AKAP13: variants seen among roughly 807,000 people sequenced by gnomAD.
The protein encoded by AKAP13 is A-kinase anchor protein 13.
A neutral mutation model predicts 264.5 loss-of-function variants in AKAP13; 80 were observed. That is an observed-to-expected ratio of 0.30 (90% CI 0.25 to 0.36). AKAP13 has a LOEUF of 0.36. AKAP13 is among the 10% of genes least tolerant of loss of function. The probability of loss-of-function intolerance (pLI) is 1.00; values close to 1 mark genes in which losing one functional copy is unlikely to be tolerated. For synonymous variants in AKAP13, 1,380 were observed against 1,250.2 expected, an observed-to-expected ratio of 1.10 and a Z score of -2.19; for missense variants, 3,712 against 3,435.2, an observed-to-expected ratio of 1.08 and a Z score of -2.01.
At chr15:85,481,928 GTTTC>G (rs2075365072) in intron 1 of AKAP13, among the ~76,000 whole-genome samples, 1 of 152,172 alleles carries the variant, frequency 6.6e-6, no homozygotes, top group Non-Finnish European at 1.5e-5. Context: ...GGCATGATGT[GTTTC>G]TTTAATTTTC....
intron 1 of AKAP13, among the ~76,000 whole-genome samples, chr15:85,388,859 C>T (rs1315945516): frequency 2.0e-5 from 3 of 152,126 alleles, no homozygotes; most frequent in African/African-American, 7.2e-5. Flanking sequence ...TGTCAGATGT[C>T]TCCTTGGGGG....
intron 4 of AKAP13, among the ~76,000 whole-genome samples, chr15:85,542,588 T>C (rs552630559): frequency 6.6e-6 from 1 of 152,168 alleles, no homozygotes; most frequent in Non-Finnish European, 1.5e-5. Context: ...AAGAAAGAGA[T>C]GATAGCTAAG....
At chr15:85,565,374 C>G (rs2078570107) in intron 5 of AKAP13, among the ~76,000 whole-genome samples, 2 of 152,140 alleles carry the variant, frequency 1.3e-5, no homozygotes, top group South Asian at 4.1e-4. Context: ...GCTATGGTGC[C>G]TCTTAATTCA....
chr15:85,555,035 C>G (rs1183294270), intron 5 of AKAP13, among the ~76,000 whole-genome samples: 2 of 151,702 alleles, frequency 1.3e-5, no homozygotes, highest in South Asian at 2.1e-4. Flanking sequence ...TCCCTCCCCC[C>G]CAAAAAAAGG....
chr15:85,730,826 A>G lies in AKAP13; in HGVS notation c.7282+119A>G, dbSNP rs548204256. On this transcript the variant is annotated intron_variant, in intron 30 of 36. Transcript: ENST00000394518. Reference sequence around the variant, plus strand: ...GCACAAATGCAGAAAATTACCCAAAACAAATATTTCACTATAGTAAATTAT... The same window carrying G: ...GCACAAATGCAGAAAATTACCCAAAGCAAATATTTCACTATAGTAAATTAT... The G allele has an allele frequency of 6.8e-6, 6 of 876,302 alleles. No individual in the cohort carries two copies. The South Asian group carries it at 9.3e-5, about 14-fold the overall frequency. 54.3% of individuals were successfully genotyped at this position (876,302 alleles called of 1,614,324 possible). A position where few individuals can be genotyped will look rare whatever the true frequency, so the allele number is the denominator to read the frequency against.
At position 85,579,529 on chromosome 15, in the gene AKAP13, G is replaced by A. The variant is rs111631396; in HGVS notation, c.1461G>A (p.Met487Ile). ...CAGGGGAAATGGAACATGGGCTCAT[G>A]AACCCAGATGCCACTGTTTGGAAGA... ...DTAGEMEHGL[M>I]NPDATVWKNV... The change falls in exon 7 of 37, where the codon ATG (methionine) becomes ATA (isoleucine). Residue 487 changes from methionine (M) to isoleucine (I), a missense_variant. Physicochemically the swap from Met to Ile is conservative, Grantham distance 10. Coordinates refer to ENST00000394518, the MANE Select transcript of AKAP13 (RefSeq NM_007200.5). The A allele has an allele frequency of 2.7e-4, 429 of 1,614,172 alleles. 1 individual carries two copies. In the African/African-American group the frequency reaches 4.2e-3, roughly 16 times the overall value.
intron 12 of AKAP13, among the ~76,000 whole-genome samples, chr15:85,660,235 C>G (rs551791336): frequency 1.3e-4 from 19 of 151,772 alleles, no homozygotes; most frequent in African/African-American, 4.4e-4. Flanking sequence ...CACCTGTAAT[C>G]CCAGCTACTC....
At chr15:85,496,875 G>C (rs2075885814) in intron 2 of AKAP13, among the ~76,000 whole-genome samples, 1 of 152,210 alleles carries the variant, frequency 6.6e-6, no homozygotes, top group African/African-American at 2.4e-5. Context: ...TCTAGCTTTT[G>C]ATGGTTTTAC....
At chr15:85,451,997 G>C (rs1020873644) in intron 1 of AKAP13, among the ~76,000 whole-genome samples, 17 of 151,964 alleles carry the variant, frequency 1.1e-4, no homozygotes, top group African/African-American at 4.1e-4. Flanking sequence ...GCCTTTGAGG[G>C]ATGCCAGTGA....
At chr15:85,565,796 C>G (rs1401121771) in intron 5 of AKAP13, among the ~76,000 whole-genome samples, 1 of 152,198 alleles carries the variant, frequency 6.6e-6, no homozygotes, top group African/African-American at 2.4e-5. Flanking sequence ...TTCCTTCCCT[C>G]TACTGGTCCT....
At chr15:85,536,892 G>C (rs1300543677) in intron 4 of AKAP13, 1 of 152,164 alleles carries the variant, frequency 6.6e-6, no homozygotes, top group Admixed American at 6.5e-5. Flanking sequence ...TGTCTTGTTC[G>C]TGGTGGTGGC....
intron 2 of AKAP13, among the ~76,000 whole-genome samples, chr15:85,519,849 T>G (rs1354787791): frequency 6.6e-6 from 1 of 152,078 alleles, no homozygotes. Flanking sequence ...GTTATGCTGC[T>G]GGGCTTAGTA....
chr15:85,523,025 G>C (rs1000967925), intron 3 of AKAP13, among the ~76,000 whole-genome samples: 1 of 150,892 alleles, frequency 6.6e-6, no homozygotes, highest in Non-Finnish European at 1.5e-5. Flanking sequence ...CATCACAGCA[G>C]AGGTAACAGA....
intron 6 of AKAP13, among the ~76,000 whole-genome samples, chr15:85,576,500 C>T (rs552828253): frequency 3.3e-5 from 5 of 152,246 alleles, no homozygotes; most frequent in Non-Finnish European, 4.4e-5. Context: ...ATAACATAAA[C>T]GTCATATGTG....
chr15:85,640,608 A>G (rs910942816), intron 9 of AKAP13, among the ~76,000 whole-genome samples: 1 of 152,180 alleles, frequency 6.6e-6, no homozygotes, highest in Non-Finnish European at 1.5e-5. Context: ...TCCAAGTTTT[A>G]CAAGATTGGC....
intron 2 of AKAP13, among the ~76,000 whole-genome samples, chr15:85,496,828 A>C (rs1376457372): frequency 6.6e-6 from 1 of 152,188 alleles, no homozygotes; most frequent in Non-Finnish European, 1.5e-5. Context: ...CAGATCTGAG[A>C]CCTGCCAGAA....
At chr15:85,564,461 A>G (rs78038248) in intron 5 of AKAP13, among the ~76,000 whole-genome samples, 132 of 152,366 alleles carry the variant, frequency 8.7e-4, no homozygotes, top group Non-Finnish European at 1.6e-3. Flanking sequence ...AGGACAGTCA[A>G]TACAGTAACA....
In AKAP13 at chr15:85,399,523, T is replaced by TAAA. The variant is rs1367253621; in HGVS notation, c.-12+18730_-12+18732dup. ...GTCTCAAAAAAAAAAAAAAAAAAAA[T>TAAA]AAAAAAATAAAAAAATAAATAAATA... On this transcript the variant is annotated intron_variant, in intron 1 of 36. Coordinates refer to ENST00000394518, the MANE Select transcript of AKAP13 (RefSeq NM_007200.5). Among the ~76,000 whole-genome samples the TAAA allele has an allele frequency of 9.6e-4, 75 of 78,002 alleles. 2 individuals carry two copies. The highest frequency in any genetic ancestry group is 3.9e-3 in the African/African-American group (72 of 18,614). 51.2% of individuals were successfully genotyped at this position (78,002 alleles called of 152,430 possible). A position where few individuals can be genotyped will look rare whatever the true frequency, so the allele number is the denominator to read the frequency against.
intron 33 of AKAP13, among the ~76,000 whole-genome samples, chr15:85,738,736 G>A (rs989313866): frequency 1.3e-5 from 2 of 151,418 alleles, no homozygotes; most frequent in African/African-American, 4.9e-5. Flanking sequence ...TACTCGGGAG[G>A]CTGAGGCAGG....
Sources: allele counts gnomAD v4.1 joint callset (sites outside exome capture counted in the v4.1 genomes callset), GRCh38; gene constraint gnomAD v4.1.1; transcripts MANE v1.5; gene names NCBI Gene and HGNC (gene_info 2026-07-23, HGNC 2026-07-21).